WWOX: variants seen among roughly 807,000 people sequenced by gnomAD.
WWOX encodes the protein WW domain-containing oxidoreductase.
WWOX carries 69 observed loss-of-function variants against 46.2 expected under a neutral mutation model. That is an observed-to-expected ratio of 1.49 (90% confidence interval 1.23 to 1.82). The LOEUF (loss-of-function observed/expected upper bound fraction) is 1.82. Ranked by LOEUF, WWOX falls within the 40% of genes most tolerant of loss-of-function variation. WWOX has a pLI of 0.00. For synonymous variants in WWOX, 359 were observed against 202.6 expected, an observed-to-expected ratio of 1.77 and a Z score of -6.56; for missense variants, 919 against 542.6, an observed-to-expected ratio of 1.69 and a Z score of -6.89.
chr16:78,441,879 C>G (rs7185902), intron 8 of WWOX, among the ~76,000 whole-genome samples: 57,211 of 151,200 alleles, frequency 0.38, 15,826 homozygotes, highest in African/African-American at 0.78. Context: ...TACTCAATAA[C>G]CATTATTGCT....
chr16:78,715,020 C>G (rs924338702), intron 8 of WWOX, among the ~76,000 whole-genome samples: 3 of 152,118 alleles, frequency 2.0e-5, no homozygotes, highest in Non-Finnish European at 4.4e-5. Flanking sequence ...GGTGTGGTGG[C>G]TCATAATCCC....
In WWOX at chr16:79,053,644, A is replaced by G. The variant is rs143818995; in HGVS notation, c.1057-157964A>G. Among the ~76,000 whole-genome samples the G allele has an allele frequency of 2.8e-3, 429 of 152,326 alleles. 2 individuals are homozygous for G. Among genetic ancestry groups the G allele is most frequent in the African/African-American group, 9.7e-3 (405 of 41,574 alleles). On this transcript the variant is annotated intron_variant, in intron 8 of 8. Transcript: ENST00000566780. ...CACTTTAATTTCTTTAATGTTTTAAATAACAAAACAACTTTACAAATTGGT... is the reference window on the plus strand; with the variant it reads ...CACTTTAATTTCTTTAATGTTTTAAGTAACAAAACAACTTTACAAATTGGT...
intron 7 of WWOX, among the ~76,000 whole-genome samples, chr16:78,427,837 A>C (rs577410392): frequency 1.3e-5 from 2 of 152,246 alleles, no homozygotes; most frequent in South Asian, 4.1e-4. Flanking sequence ...ACAGTGTCTC[A>C]CGCCTGTAAT....
chr16:78,935,925 A>G lies in WWOX; in HGVS notation c.1057-275683A>G, dbSNP rs1189999183. On this transcript the variant is annotated intron_variant, in intron 8 of 8. Transcript: ENST00000566780. ...AGACCCTGTCTCAAAATAAAATAAA[A>G]TAAAATAAGCAGCAGCAGCAGCAGC... Among the ~76,000 whole-genome samples the G allele has an allele frequency of 2.0e-5, 3 of 152,146 alleles. No homozygotes were observed. In the East Asian group the frequency reaches 5.8e-4, roughly 30 times the overall value.
intron 8 of WWOX, among the ~76,000 whole-genome samples, chr16:78,954,845 G>A (rs986616087): frequency 6.6e-6 from 1 of 151,948 alleles, no homozygotes; most frequent in African/African-American, 2.4e-5. Flanking sequence ...GCTGGAGTGC[G>A]GTGGCATGAT....
At chr16:78,286,757 A>G (rs576711005) in intron 5 of WWOX, among the ~76,000 whole-genome samples, 10 of 152,226 alleles carry the variant, frequency 6.6e-5, no homozygotes, top group East Asian at 1.9e-4. Context: ...TATGTACCCT[A>G]TACCTATTAG....
At chr16:78,653,586 C>T (rs573749279) in intron 8 of WWOX, among the ~76,000 whole-genome samples, 2 of 152,364 alleles carry the variant, frequency 1.3e-5, no homozygotes, top group African/African-American at 4.8e-5. Context: ...GACACTGGCG[C>T]AGCCTGGACT....
intron 8 of WWOX, among the ~76,000 whole-genome samples, chr16:78,939,316 C>T (rs1466577236): frequency 6.6e-6 from 1 of 152,190 alleles, no homozygotes; most frequent in Non-Finnish European, 1.5e-5. Flanking sequence ...GTTTGCCATC[C>T]TCAGTAATGT....
At chr16:79,130,998 C>T (rs1339517694) in intron 8 of WWOX, among the ~76,000 whole-genome samples, 1 of 152,192 alleles carries the variant, frequency 6.6e-6, no homozygotes, top group African/African-American at 2.4e-5. Flanking sequence ...AGAACATTGA[C>T]ATAATCCTTT....
In WWOX at chr16:78,345,705, T is replaced by C. The variant is rs372699070; in HGVS notation, c.517-41155T>C. Among the ~76,000 whole-genome samples, 54 of 110,140 alleles carry C rather than the reference T, an allele frequency of 4.9e-4. No homozygotes were observed. In the East Asian group the frequency reaches 0.011, roughly 21 times the overall value. The allele number at this position is 110,140 out of a possible 152,430, so 72.3% of individuals were successfully genotyped here. On this transcript the variant is annotated intron_variant, in intron 5 of 8. Coordinates refer to ENST00000566780, the MANE Select transcript of WWOX (RefSeq NM_016373.4). ...GAAGTCCCTTATACAGTTTGTGATA[T>C]GGGTACACACTCAGTGAAATGGCCA...
chr16:78,364,823 G>C (rs1017323003), intron 5 of WWOX, among the ~76,000 whole-genome samples: 5 of 152,164 alleles, frequency 3.3e-5, no homozygotes, highest in African/African-American at 1.2e-4. Flanking sequence ...AGAGCAGGAG[G>C]GAACAAGGTG....
chr16:78,176,814 A>G (rs766772619), intron 5 of WWOX, among the ~76,000 whole-genome samples: 2 of 152,214 alleles, frequency 1.3e-5, no homozygotes, highest in Non-Finnish European at 2.9e-5. Context: ...AGATAAAAAT[A>G]AAAAGGAAGG....
intron 8 of WWOX, among the ~76,000 whole-genome samples, chr16:78,836,679 G>C (rs771636000): frequency 1.3e-5 from 2 of 152,176 alleles, no homozygotes; most frequent in African/African-American, 2.4e-5. Context: ...TGTAGAAAAT[G>C]ACATGCAGAA....
chr16:79,168,609 A>G (rs2050640347), intron 8 of WWOX, among the ~76,000 whole-genome samples: 1 of 152,178 alleles, frequency 6.6e-6, no homozygotes, highest in Non-Finnish European at 1.5e-5. Flanking sequence ...GGAGGGAGGC[A>G]AGAGAGTGAT....
At position 78,099,801 on chromosome 16, in the gene WWOX, G is replaced by T. The variant is rs1255850892; in HGVS notation, c.23G>T (p.Gly8Val). Residue 8 changes from glycine to valine, a missense_variant, in exon 1 of 9, where the codon GGG becomes GTG. By Grantham distance (109) the Gly-to-Val change is moderately radical. Transcript: ENST00000566780. MAALRYA[G>V]LDDTDSEDEL... ...GCCATGGCAGCGCTGCGCTACGCGG[G>T]GCTGGACGACACGGACAGTGAGGAC... 1 of 1,571,410 alleles carries T rather than the reference G, an allele frequency of 6.4e-7. No individual in the cohort carries two copies.
chr16:79,119,180 G>A (rs1197955547), intron 8 of WWOX, among the ~76,000 whole-genome samples: 2 of 136,456 alleles, frequency 1.5e-5, no homozygotes, highest in African/African-American at 3.1e-5. Context: ...AACCAGTATT[G>A]AGTGCTCATT....
At chr16:79,027,433 C>T (rs896356191) in intron 8 of WWOX, among the ~76,000 whole-genome samples, 1 of 151,728 alleles carries the variant, frequency 6.6e-6, no homozygotes, top group Non-Finnish European at 1.5e-5. Flanking sequence ...CTGGGCCTCC[C>T]TGCCTCCCAT....
At chr16:78,735,023 T>C (rs1167480114) in intron 8 of WWOX, among the ~76,000 whole-genome samples, 2 of 151,502 alleles carry the variant, frequency 1.3e-5, no homozygotes, top group Non-Finnish European at 2.9e-5. Context: ...CCCACCATCA[T>C]GCCCAGCTAA....
intron 8 of WWOX, among the ~76,000 whole-genome samples, chr16:78,579,171 T>G (rs2044982825): frequency 6.6e-6 from 1 of 152,222 alleles, no homozygotes; most frequent in Admixed American, 6.5e-5. Flanking sequence ...CAGCAATAAT[T>G]AGGAAGTCCC....
Sources: allele counts gnomAD v4.1 joint callset (sites outside exome capture counted in the v4.1 genomes callset), GRCh38; gene constraint gnomAD v4.1.1; transcripts MANE v1.5; gene names NCBI Gene and HGNC (gene_info 2026-07-23, HGNC 2026-07-21).